The following TEX101 variants were observed in gnomAD, a reference collection of about 807,000 sequenced individuals.
TEX101 encodes testis-expressed protein 101.
Under a neutral mutation model 18.1 loss-of-function variants are expected in TEX101, and 10 were observed. The ratio of observed to expected loss-of-function variants is 0.55; its 90% CI spans 0.34 to 0.94. TEX101 has a LOEUF of 0.94. Among genes scored for constraint, TEX101 ranks in the 40% least tolerant of loss-of-function variants. The pLI, the probability that TEX101 is intolerant of heterozygous loss-of-function variation, is 0.02. For synonymous variants in TEX101, 94 were observed against 114.8 expected, an observed-to-expected ratio of 0.82 and a Z score of 1.16; for missense variants, 259 against 298.9, an observed-to-expected ratio of 0.87 and a Z score of 0.98.
the TEX101 span, among the ~76,000 whole-genome samples, chr19:43,391,406 C>CTTT: frequency 6.3e-5 from 6 of 95,888 alleles, no homozygotes; most frequent in East Asian, 3.2e-4. Flanking sequence ...TTCTGTTTTT[C>CTTT]TTTTTTTTTT....
chr19:43,394,509 C>T, the TEX101 span, among the ~76,000 whole-genome samples: 20 of 150,128 alleles, frequency 1.3e-4, no homozygotes, highest in Non-Finnish European at 3.0e-4. Context: ...CTCACTCTGT[C>T]GCCCAGGCTG....
At chr19:43,416,328 TG>T (rs1372002906) in intron 3 of TEX101, 44 bp from the exon 4 acceptor site, 2 of 1,591,476 alleles carry the variant, frequency 1.3e-6, no homozygotes, top group Non-Finnish European at 1.7e-6. Context: ...CCAGGCCAAT[TG>T]TGACGGCCAC....
chr19:43,401,013 A>G (rs1321850895), upstream of TEX101, among the ~76,000 whole-genome samples: 1 of 152,198 alleles, frequency 6.6e-6, no homozygotes, highest in Non-Finnish European at 1.5e-5. Flanking sequence ...CACATGTTCT[A>G]TAGGCCCTCC....
chr19:43,403,752 T>C (rs1227377704), intron 2 of TEX101, among the ~76,000 whole-genome samples: 4 of 151,984 alleles, frequency 2.6e-5, no homozygotes, highest in Admixed American at 6.5e-5. Context: ...ATATTATAGA[T>C]AGACATTTAC....
rs771827452 is a variant in TEX101 at position 43,416,467 on chromosome 19, C to A, written c.303C>A (p.Ile101=). The A allele has an allele frequency of 6.8e-6, 11 of 1,614,060 alleles. No homozygotes were observed. Among genetic ancestry groups the A allele is most frequent in the Non-Finnish European group, 8.5e-6 (10 of 1,180,028 alleles). The change falls in exon 4 of 6, where the codon ATC becomes ATA. Residue 101 remains isoleucine, a synonymous_variant. Coordinates refer to ENST00000598265, the MANE Select transcript of TEX101 (RefSeq NM_001130011.3). ...IVQHSSPPGL[I]VTSYSNYCED... ...AGCACTCTTCACCTCCCGGCCTGAT[C>A]GTGACCTCCTACAGTAACTACTGTG...
At chr19:43,408,285 C>A (rs1373003606) in intron 3 of TEX101, among the ~76,000 whole-genome samples, 2 of 151,740 alleles carry the variant, frequency 1.3e-5, no homozygotes, top group South Asian at 4.2e-4. Context: ...TCTCCTCGTT[C>A]TGCCCGGGCT....
At chr19:43,389,448 C>T in the TEX101 span, among the ~76,000 whole-genome samples, 1 of 152,188 alleles carries the variant, frequency 6.6e-6, no homozygotes. Flanking sequence ...CAGGGCCAGC[C>T]TCAGCAGTGC....
rs534587549 is a variant in TEX101 at position 43,402,090 on chromosome 19, G to A, written c.-377+529G>A. ...TGCTTAACAAAAGAAAAAATCACACGCAGTGTGAGGCAACACATAAGCGGG... is the reference window on the plus strand; with the variant it reads ...TGCTTAACAAAAGAAAAAATCACACACAGTGTGAGGCAACACATAAGCGGG... On this transcript the variant is annotated intron_variant, in intron 1 of 7. Coordinates refer to the TEX101 transcript ENST00000602198. 5.3e-5 allele frequency among the ~76,000 whole-genome samples: 8 copies of A among 152,346 alleles called. No individual in the cohort carries two copies. The East Asian group carries it at 1.5e-3, about 29-fold the overall frequency.
upstream of TEX101, among the ~76,000 whole-genome samples, chr19:43,413,690 C>T (rs1397672708): frequency 6.6e-6 from 1 of 151,968 alleles, no homozygotes; most frequent in East Asian, 1.9e-4. Context: ...TGGTGGCTCA[C>T]GTCTGTAATC....
intron 2 of TEX101, among the ~76,000 whole-genome samples, chr19:43,403,203 T>C (rs1273813793): frequency 6.6e-6 from 1 of 152,212 alleles, no homozygotes; most frequent in Non-Finnish European, 1.5e-5. Flanking sequence ...ATTGGATTCC[T>C]AAGATGTAAT....
At chr19:43,409,460 G>C (rs1291937093) in intron 3 of TEX101, among the ~76,000 whole-genome samples, 1 of 152,100 alleles carries the variant, frequency 6.6e-6, no homozygotes, top group African/African-American at 2.4e-5. Context: ...CAATTAAGGG[G>C]TACAGATTGG....
chr19:43,413,514 C>A (rs1281527001), upstream of TEX101, among the ~76,000 whole-genome samples: 1 of 150,952 alleles, frequency 6.6e-6, no homozygotes, highest in Non-Finnish European at 1.5e-5. Context: ...AAAAAAAAGG[C>A]CAAGAATTTA....
chr19:43,395,386 C>T, the TEX101 span, among the ~76,000 whole-genome samples: 5 of 152,348 alleles, frequency 3.3e-5, no homozygotes, highest in South Asian at 1.0e-3. Flanking sequence ...TTAACTTGAT[C>T]CCTTTCAGGC....
chr19:43,411,283 G>A (rs1568457375), upstream of TEX101, among the ~76,000 whole-genome samples: 1 of 152,002 alleles, frequency 6.6e-6, no homozygotes, highest in Non-Finnish European at 1.5e-5. Context: ...CACCATGTTG[G>A]CCAGGCTGGT....
intron 2 of TEX101, among the ~76,000 whole-genome samples, chr19:43,405,222 G>C (rs757112786): frequency 6.6e-6 from 1 of 152,226 alleles, no homozygotes; most frequent in Admixed American, 6.5e-5. Flanking sequence ...TGAATTATGC[G>C]TGCTGGAATT....
upstream of TEX101, among the ~76,000 whole-genome samples, chr19:43,411,053 T>C (rs1025548127): frequency 1.3e-5 from 2 of 151,926 alleles, no homozygotes; most frequent in Non-Finnish European, 2.9e-5. Flanking sequence ...AGAATCTTAC[T>C]TGAGGTAAAA....
chr19:43,390,059 G>A, the TEX101 span, among the ~76,000 whole-genome samples: 2 of 152,170 alleles, frequency 1.3e-5, no homozygotes, highest in Non-Finnish European at 2.9e-5. Flanking sequence ...TGCTCCAGCT[G>A]CTAAGAGAGG....
At chr19:43,395,856 T>A in the TEX101 span, among the ~76,000 whole-genome samples, 6 of 152,224 alleles carry the variant, frequency 3.9e-5, no homozygotes, top group Non-Finnish European at 8.8e-5. Flanking sequence ...CTGGTCAGCC[T>A]GGAGCAGCAG....
upstream of TEX101, among the ~76,000 whole-genome samples, chr19:43,412,074 A>C (rs1453704533): frequency 6.6e-6 from 1 of 152,184 alleles, no homozygotes; most frequent in Non-Finnish European, 1.5e-5. Context: ...ACCTTTCTCA[A>C]GGGGCTGTGT....
Sources: allele counts gnomAD v4.1 joint callset (sites outside exome capture counted in the v4.1 genomes callset), GRCh38; gene constraint gnomAD v4.1.1; transcripts MANE v1.5; gene names NCBI Gene and HGNC (gene_info 2026-07-23, HGNC 2026-07-21).